Variants in DSP observed in about 807,000 individuals in gnomAD.
DSP encodes 250/210 kDa paraneoplastic pemphigus antigen.
DSP carries 114 observed loss-of-function variants against 290.6 expected under a neutral mutation model. The observed-to-expected ratio is 0.39, with a 90% CI of 0.34 to 0.46. DSP has a LOEUF of 0.46. Ranked by LOEUF, DSP falls within the 20% of genes least tolerant of loss-of-function variation. The pLI is 0.99. For synonymous variants in DSP, 1,311 were observed against 1,316.4 expected, an observed-to-expected ratio of 1.00 and a Z score of 0.09; for missense variants, 3,230 against 3,495.8, an observed-to-expected ratio of 0.92 and a Z score of 1.92.
At chr6:7,571,261 T>C (rs1436499785) in intron 13 of DSP, 122 bp from the exon 14 acceptor site, 3 of 912,776 alleles carry the variant, frequency 3.3e-6, no homozygotes, top group African/African-American at 1.6e-5. Flanking sequence ...TATATCTTAA[T>C]GAGCCTGTGA....
At chr6:7,552,101 AATG>A (rs1280707403) in intron 1 of DSP, among the ~76,000 whole-genome samples, 2 of 152,158 alleles carry the variant, frequency 1.3e-5, no homozygotes, top group African/African-American at 2.4e-5. Flanking sequence ...ATAGACAAAT[AATG>A]ATATCAAAGA....
rs1192963820 is a variant in DSP at position 7,582,904 on chromosome 6, T to C, written c.5642T>C (p.Ile1881Thr). The change falls in exon 24 of 24, where the codon ATA becomes ACA. Residue 1881 changes from isoleucine to threonine, a missense_variant. Ile to Thr is a moderately conservative substitution (Grantham distance 89). This residue lies in a region of DSP where 1,714 missense variants were observed against 1,844.5 expected (regional missense o/e 0.93). Coordinates refer to ENST00000379802, the MANE Select transcript of DSP (RefSeq NM_004415.4). This position sits in a 1 kb window ranked among gnomAD's most constrained non-coding sequence, Gnocchi z 4.2. ...CGCAAGGAGGAGGCTATTAGGAAGA[T>C]AGAATCGGAAAGAGAAAAGAGTGAG... The part of the protein sequence containing the change: ...YSRKEEAIRK[I>T]ESEREKSERE... 8.7e-6 allele frequency: 14 copies of C among 1,613,892 alleles called. No homozygotes were observed. Among genetic ancestry groups the C allele is most frequent in the South Asian group, 4.4e-5 (4 of 91,074 alleles).
At chr6:7,569,158 C>A in intron 11 of DSP, 28 bp from the exon 12 acceptor site, 1 of 1,614,066 alleles carries the variant, frequency 6.2e-7, no homozygotes. Flanking sequence ...ATGAATAAAG[C>A]CAAACCCTGG....
chr6:7,546,406 C>G (rs561554562), intron 1 of DSP, among the ~76,000 whole-genome samples: 2 of 152,218 alleles, frequency 1.3e-5, no homozygotes, highest in Admixed American at 6.5e-5. Flanking sequence ...ATAAAAATAT[C>G]AGGTCTGTGG....
At chr6:7,575,127 G>A (rs1396938395) in intron 17 of DSP, among the ~76,000 whole-genome samples, 168 bp from the exon 18 acceptor site, 1 of 152,124 alleles carries the variant, frequency 6.6e-6, no homozygotes, top group African/African-American at 2.4e-5. Flanking sequence ...AACAAATACT[G>A]GGAAATGCAA....
chr6:7,574,094 G>C lies in DSP; in HGVS notation c.2139G>C (p.Gln713His). 1 of 1,614,074 alleles carries C rather than the reference G, an allele frequency of 6.2e-7. No homozygotes were observed. The highest frequency in any genetic ancestry group is 1.1e-5 in the South Asian group (1 of 91,082). The change falls in exon 16 of 24, where the codon CAG becomes CAC. Residue 713 changes from glutamine to histidine, a missense_variant. Gln to His is a conservative substitution (Grantham distance 24). Around this residue, in one of 5 missense-constraint regions of DSP, gnomAD observed 1,714 missense variants for 1,844.5 expected, o/e 0.93. Transcript: ENST00000379802. ...TCCTTCATTTTTGACAGAGTGTGCAGAATGATTCACAAGCAATTGCTGAGG... is the reference window on the plus strand; with the variant it reads ...TCCTTCATTTTTGACAGAGTGTGCACAATGATTCACAAGCAATTGCTGAGG... ...TVKINELKSV[Q>H]NDSQAIAEVL...
intron 4 of DSP, among the ~76,000 whole-genome samples, chr6:7,562,329 A>T (rs2113664411): frequency 6.6e-6 from 1 of 150,954 alleles, no homozygotes; most frequent in Middle Eastern, 3.5e-3. Context: ...ATGCACACAT[A>T]TGTTCTGTGC....
At chr6:7,571,239 T>C in intron 13 of DSP, 144 bp from the exon 14 acceptor site, 6 of 823,788 alleles carry the variant, frequency 7.3e-6, no homozygotes, top group Non-Finnish European at 1.2e-5. Flanking sequence ...GTCTAAAACC[T>C]AAAAGACCTT....
rs763766403 is a variant in DSP at position 7,579,307 on chromosome 6, G to A, written c.3117G>A (p.Glu1039=). ...ATACCAAGATCGAAGTTTTGGAAGA[G>A]GAGCTCAGACTGGCCCGAGATGCCA... ...LKNTKIEVLE[E]ELRLARDANS... is the part of the protein sequence containing the mutation. Residue 1039 remains glutamate (E), a synonymous_variant, in exon 23 of 24, where the codon GAG becomes GAA. Transcript: ENST00000379802. This position sits in a 1 kb window ranked among gnomAD's most constrained non-coding sequence, Gnocchi z 4.1. The A allele has an allele frequency of 2.5e-6, 4 of 1,614,174 alleles. No individual in the cohort carries two copies. The South Asian group carries it at 4.4e-5, about 18-fold the overall frequency.
intron 5 of DSP, among the ~76,000 whole-genome samples, 197 bp downstream of exon 5, chr6:7,562,977 G>C (rs1758749109): frequency 6.6e-6 from 1 of 152,194 alleles, no homozygotes; most frequent in Non-Finnish European, 1.5e-5. Context: ...CACTTGAAGA[G>C]GAGTTAAACC....
chr6:7,543,392 G>A (rs1313231678), intron 1 of DSP, among the ~76,000 whole-genome samples: 2 of 105,874 alleles, frequency 1.9e-5, no homozygotes, highest in African/African-American at 7.5e-5. Flanking sequence ...ATCTATTTTC[G>A]CTTTTTTTTT....
At position 7,568,555 on chromosome 6, in the gene DSP, TTCTC is replaced by T; in HGVS notation, c.1386_1389del (p.Leu463GlufsTer21). 6.2e-7 allele frequency: 1 copy of T among 1,614,080 alleles called. No individual in the cohort carries two copies. Among genetic ancestry groups the T allele is most frequent in the Non-Finnish European group, 8.5e-7 (1 of 1,180,028 alleles). ...GACTACAGAAGCAATAAACCCATTA[TTCTC>T]AGAGCTCTCTGTGACTACAAACAAG... On this transcript the variant is annotated frameshift_variant, in exon 11 of 24. Transcript: ENST00000379802. LOFTEE classifies it high-confidence loss of function.
Position 7,575,423 on chromosome 6 carries a change from G to A in DSP, c.2565G>A (p.Lys855=). The A allele has an allele frequency of 6.2e-7, 1 of 1,614,166 alleles. No individual in the cohort carries two copies. The highest frequency in any genetic ancestry group is 8.5e-7 in the Non-Finnish European group (1 of 1,180,040). The part of the protein sequence containing the change: ...QYPLYDLDLG[K]FGEKVTQLTD... ...CACTTTATGATCTGGACTTGGGCAA[G>A]TTCGGTGAAAAAGTCACACAGCTGA... The change falls in exon 18 of 24, where the codon AAG becomes AAA. Residue 855 remains lysine, a synonymous_variant. Transcript: ENST00000379802.
At chr6:7,564,094 G>T (rs573246536) in intron 6 of DSP, among the ~76,000 whole-genome samples, 4 of 152,172 alleles carry the variant, frequency 2.6e-5, no homozygotes, top group African/African-American at 7.2e-5. Flanking sequence ...CACTGCGCCC[G>T]GCCTAAAAGT....
intron 1 of DSP, among the ~76,000 whole-genome samples, chr6:7,547,446 G>A (rs1283817538): frequency 6.6e-6 from 1 of 151,984 alleles, no homozygotes; most frequent in Non-Finnish European, 1.5e-5. Flanking sequence ...TGTTTGTTTT[G>A]AGATGGGGTG....
In DSP at chr6:7,584,723, A is replaced by G; in HGVS notation, c.7461A>G (p.Leu2487=). 2 of 1,614,224 alleles carry G rather than the reference A, an allele frequency of 1.2e-6. No individual in the cohort carries two copies. Among genetic ancestry groups the G allele is most frequent in the Non-Finnish European group, 1.7e-6 (2 of 1,180,042 alleles). Reference sequence around the variant, plus strand: ...TTCAGGAGGCCTACAAGAAGGGCCTAATTGATTATGAAACCTTCAAAGAAC... The same window carrying G: ...TTCAGGAGGCCTACAAGAAGGGCCTGATTGATTATGAAACCTTCAAAGAAC... ...MSVQEAYKKG[L]IDYETFKELC... The change falls in exon 24 of 24, where the codon CTA becomes CTG. Residue 2487 remains leucine, a synonymous_variant. Coordinates refer to ENST00000379802, the MANE Select transcript of DSP (RefSeq NM_004415.4). This position sits in a 1 kb window ranked among gnomAD's most constrained non-coding sequence, Gnocchi z 6.4.
chr6:7,583,533 A>G lies in DSP; in HGVS notation c.6271A>G (p.Lys2091Glu), dbSNP rs367984272. 1.2e-6 allele frequency: 2 copies of G among 1,614,076 alleles called. No individual in the cohort carries two copies. The highest frequency in any genetic ancestry group is 8.5e-7 in the Non-Finnish European group (1 of 1,180,046). ...CCGTCAGCAGATATATGCAGCAGAAAAAGCTATCACTGGTTTTGATGATCC... is the reference window on the plus strand; with the variant it reads ...CCGTCAGCAGATATATGCAGCAGAAGAAGCTATCACTGGTTTTGATGATCC... The part of the protein sequence containing the change: ...DDRQQIYAAE[K>E]AITGFDDPFS... The change falls in exon 24 of 24, where the codon AAA becomes GAA. Residue 2091 changes from lysine to glutamate, a missense_variant. By Grantham distance (56) the Lys-to-Glu change is moderately conservative. Around this residue, in one of 5 missense-constraint regions of DSP, gnomAD observed 1,714 missense variants for 1,844.5 expected, o/e 0.93. Transcript: ENST00000379802. This position sits in a 1 kb window ranked among gnomAD's most constrained non-coding sequence, Gnocchi z 4.0.
intron 18 of DSP, 79 bp from the exon 19 acceptor site, chr6:7,576,215 G>T (rs763312269): frequency 2.1e-5 from 31 of 1,498,892 alleles, no homozygotes; most frequent in Non-Finnish European, 2.7e-5. Context: ...TATATATCAA[G>T]TGAATTTCTG....
chr6:7,579,731 G>A lies in DSP; in HGVS notation c.3541G>A (p.Glu1181Lys). 1 of 1,613,740 alleles carries A rather than the reference G, an allele frequency of 6.2e-7. No homozygotes were observed. Among genetic ancestry groups the A allele is most frequent in the Non-Finnish European group, 8.5e-7 (1 of 1,179,800 alleles). ...IERLRVLLQE[E>K]GTRKREYENE... The stretch of plus-strand genomic sequence containing the variant: ...AAGGTTGAGGGTTCTACTGCAGGAA[G>A]AAGGCACCCGGAAGAGAGAATATGA... The change falls in exon 23 of 24, where the codon GAA (glutamate) becomes AAA (lysine). Residue 1181 changes from glutamate (E) to lysine (K), a missense_variant. By Grantham distance (56) the Glu-to-Lys change is moderately conservative. Coordinates refer to ENST00000379802, the MANE Select transcript of DSP (RefSeq NM_004415.4). The surrounding 1 kb of genome is among the most constrained non-coding windows in gnomAD (Gnocchi z 4.1).
Sources: gnomAD v4.1 joint callset for allele counts (sites outside exome capture counted in the v4.1 genomes callset) on GRCh38, gnomAD v4.1.1 for gene constraint, gnomAD v4.1.1 regional missense constraint, Gnocchi (gnomAD v3.1) non-coding constraint, MANE v1.5 for transcripts, NCBI Gene and HGNC (gene_info 2026-07-23, HGNC 2026-07-21) for gene names.